The following NIPBL variants were observed in gnomAD, a reference collection of about 807,000 sequenced individuals.
The protein encoded by NIPBL is nipped-B-like protein.
A neutral mutation model predicts 321.8 loss-of-function variants in NIPBL; 19 were observed. The observed-to-expected ratio is 0.06, with a 90% confidence interval of 0.04 to 0.09. The LOEUF is 0.09. Among genes scored for constraint, NIPBL ranks in the 10% least tolerant of loss-of-function variants. The pLI, the probability that NIPBL is intolerant of heterozygous loss-of-function variation, is 1.00. For synonymous variants in NIPBL, 1,106 were observed against 1,114.1 expected, an observed-to-expected ratio of 0.99 and a Z score of 0.14; for missense variants, 2,210 against 3,327.0, an observed-to-expected ratio of 0.66 and a Z score of 8.26.
chr5:37,044,019 C>T (rs1378632559), intron 34 of NIPBL, among the ~76,000 whole-genome samples: 3 of 152,110 alleles, frequency 2.0e-5, no homozygotes, highest in African/African-American at 4.8e-5. Context: ...AAATACTAAT[C>T]GTAAAAACTG....
intron 1 of NIPBL, among the ~76,000 whole-genome samples, chr5:36,916,196 A>C (rs1422101659): frequency 5.3e-5 from 8 of 152,210 alleles, no homozygotes. Flanking sequence ...CCTTTTGGCA[A>C]GTTTCCTCTT....
intron 10 of NIPBL, 178 bp from the exon 11 acceptor site, chr5:36,995,440 CACAT>C (rs1409995146): frequency 1.8e-6 from 1 of 551,436 alleles, no homozygotes; most frequent in African/African-American, 1.9e-5. Flanking sequence ...TATATATGTA[CACAT>C]ACATATATAT....
chr5:36,890,017 T>C (rs1239809005), intron 1 of NIPBL, among the ~76,000 whole-genome samples: 1 of 152,124 alleles, frequency 6.6e-6, no homozygotes, highest in Non-Finnish European at 1.5e-5. Flanking sequence ...ATATTTATGA[T>C]GAATGTAATT....
In NIPBL at chr5:36,985,057, A is replaced by G. The variant is rs373101913; in HGVS notation, c.1877A>G (p.Asn626Ser). 9.9e-6 allele frequency: 16 copies of G among 1,613,774 alleles called. No homozygotes were observed. The highest frequency in any genetic ancestry group is 6.7e-5 in the Admixed American group (4 of 59,850). Residue 626 changes from asparagine to serine, a missense_variant, in exon 10 of 47, where the codon AAT (asparagine) becomes AGT (serine). Around this residue, in one of 14 missense-constraint regions of NIPBL, gnomAD observed 588 missense variants for 564.1 expected, o/e 1.04. Transcript: ENST00000282516. ...AGTAGATTAGCAGAATCTAAACCAAATGAAAACCGATTGGTGGAGACAAAA... is the reference window on the plus strand; with the variant it reads ...AGTAGATTAGCAGAATCTAAACCAAGTGAAAACCGATTGGTGGAGACAAAA... ...SESRLAESKP[N>S]ENRLVETKSS... is the part of the protein sequence containing the mutation.
chr5:36,980,956 T>A (rs1258503944), intron 9 of NIPBL, among the ~76,000 whole-genome samples: 1 of 151,576 alleles, frequency 6.6e-6, no homozygotes, highest in Admixed American at 6.6e-5. Context: ...GTAGGTGAGG[T>A]CATAAATAAA....
rs1219711580 is a variant in NIPBL, at chr5:36,968,106, A to C, written c.611-2770A>C. ...GTGAGACTCTGTCTCAAAAAAAAAA[A>C]AAAAACAAAAAACAAAAAACGAATA... On this transcript the variant is annotated intron_variant, in intron 6 of 46. Coordinates refer to ENST00000282516, the MANE Select transcript of NIPBL (RefSeq NM_133433.4). 4.1e-4 allele frequency among the ~76,000 whole-genome samples: 61 copies of C among 149,668 alleles called. No individual in the cohort carries two copies. In the South Asian group the frequency reaches 6.3e-3, roughly 16 times the overall value.
chr5:36,978,780 G>T (rs1351401070), intron 9 of NIPBL, among the ~76,000 whole-genome samples: 1 of 152,010 alleles, frequency 6.6e-6, no homozygotes, highest in Non-Finnish European at 1.5e-5. Flanking sequence ...TGAGAGGCAG[G>T]AGTCCCGTCT....
intron 1 of NIPBL, among the ~76,000 whole-genome samples, chr5:36,940,947 C>T (rs965262044): frequency 4.6e-5 from 7 of 152,222 alleles, no homozygotes; most frequent in African/African-American, 1.7e-4. Context: ...TTATTCATCA[C>T]CCCTACTGGA....
chr5:36,939,760 G>A lies in NIPBL; in HGVS notation c.-79-13858G>A, dbSNP rs998890654. On this transcript the variant is annotated intron_variant, in intron 1 of 46. Transcript: ENST00000282516. ...TCATGGAAAGTGGAGGAGCAAGAGAGCACAAGACATTAGTGGGGAGAAATA... is the reference window on the plus strand; with the variant it reads ...TCATGGAAAGTGGAGGAGCAAGAGAACACAAGACATTAGTGGGGAGAAATA... 4.6e-5 allele frequency among the ~76,000 whole-genome samples: 7 copies of A among 152,152 alleles called. No homozygotes were observed. In the East Asian group the frequency reaches 1.2e-3, roughly 25 times the overall value.
intron 14 of NIPBL, 92 bp from the exon 15 acceptor site, chr5:37,002,570 G>T: frequency 1.2e-6 from 1 of 843,410 alleles, no homozygotes. Context: ...TAGTTTGCAT[G>T]TCTAAAAATT....
At position 37,020,445 on chromosome 5, in the gene NIPBL, T is replaced by C. The variant is rs768986827; in HGVS notation, c.5011-14T>C. Reference sequence around the variant, plus strand: ...TAATTTCATCAAGCTCAAGTCTGTCTAATTTCTTTCCAGTTTTCTCGTAAA... The same window carrying C: ...TAATTTCATCAAGCTCAAGTCTGTCCAATTTCTTTCCAGTTTTCTCGTAAA... On this transcript the variant is annotated splice_polypyrimidine_tract_variant and intron_variant, in intron 25 of 46. Coordinates refer to ENST00000282516, the MANE Select transcript of NIPBL (RefSeq NM_133433.4). 6.4e-7 allele frequency: 1 copy of C among 1,572,936 alleles called. No individual in the cohort carries two copies. The highest frequency in any genetic ancestry group is 1.1e-5 in the South Asian group (1 of 90,138).
At chr5:36,886,307 A>T in intron 1 of NIPBL, 1 of 682,120 alleles carries the variant, frequency 1.5e-6, no homozygotes, top group Non-Finnish European at 2.7e-6. Context: ...ACCATGCTGA[A>T]CATCAAGGTC....
chr5:36,902,291 T>C (rs1035711261), intron 1 of NIPBL, among the ~76,000 whole-genome samples: 6 of 152,208 alleles, frequency 3.9e-5, no homozygotes, highest in African/African-American at 9.6e-5. Flanking sequence ...TTTTTGTTTT[T>C]GTTGCAGTTG....
chr5:36,929,863 G>A (rs1445392386), intron 1 of NIPBL, among the ~76,000 whole-genome samples: 1 of 151,752 alleles, frequency 6.6e-6, no homozygotes, highest in African/African-American at 2.4e-5. Context: ...GAATTTTGTG[G>A]GCATCTTTGT....
chr5:36,905,543 T>C lies in NIPBL; in HGVS notation c.-80+28365T>C, dbSNP rs1486802848. 3.9e-5 allele frequency among the ~76,000 whole-genome samples: 6 copies of C among 152,244 alleles called. No homozygotes were observed. The East Asian group carries it at 9.6e-4, about 24-fold the overall frequency. The stretch of plus-strand genomic sequence containing the variant: ...CTTCTCCTTCCTGAACCAATCTTAA[T>C]GAGGAATGTGTGTGACATGTACCAA... On this transcript the variant is annotated intron_variant, in intron 1 of 46. Coordinates refer to ENST00000282516, the MANE Select transcript of NIPBL (RefSeq NM_133433.4).
At chr5:37,017,470 T>G (rs1007677433) in intron 24 of NIPBL, among the ~76,000 whole-genome samples, 4 of 152,080 alleles carry the variant, frequency 2.6e-5, no homozygotes, top group African/African-American at 9.6e-5. Context: ...TACTGAATGG[T>G]GATTTAGCAT....
chr5:37,058,237 TTAA>T (rs1202496445), intron 43 of NIPBL, among the ~76,000 whole-genome samples: 1 of 152,234 alleles, frequency 6.6e-6, no homozygotes, highest in Non-Finnish European at 1.5e-5. Context: ...GTTTGAGAAG[TTAA>T]TAATTTCCCA....
intron 8 of NIPBL, among the ~76,000 whole-genome samples, chr5:36,975,360 T>G (rs1305824262): frequency 2.0e-5 from 3 of 152,144 alleles, no homozygotes; most frequent in Admixed American, 6.5e-5. Flanking sequence ...AGCGTACTTA[T>G]TCTTACTTTA....
At chr5:36,890,495 C>A (rs1335511639) in intron 1 of NIPBL, among the ~76,000 whole-genome samples, 1 of 152,156 alleles carries the variant, frequency 6.6e-6, no homozygotes, top group African/African-American at 2.4e-5. Context: ...TAAATGCTCC[C>A]GTTTCCCACT....
Sources: allele counts gnomAD v4.1 joint callset (sites outside exome capture counted in the v4.1 genomes callset), GRCh38; gene constraint gnomAD v4.1.1; regional missense constraint gnomAD v4.1.1; transcripts MANE v1.5; gene names NCBI Gene and HGNC (gene_info 2026-07-23, HGNC 2026-07-21).